CCDC88A: variants seen among roughly 807,000 people sequenced by gnomAD.
CCDC88A encodes coiled-coil and HOOK domain protein 88A.
In CCDC88A, 54 loss-of-function variants were observed where a neutral mutation model predicts 234.3. That is an observed-to-expected ratio of 0.23 (90% CI 0.19 to 0.29). The LOEUF (loss-of-function observed/expected upper bound fraction) is 0.29. Among genes scored for constraint, CCDC88A ranks in the 10% least tolerant of loss-of-function variants. CCDC88A has a pLI of 1.00. For missense variants in CCDC88A, 1,832 were observed against 2,123.4 expected (o/e 0.86, Z 2.70); for synonymous variants, 753 against 737.8 (o/e 1.02, Z -0.33).
chr2:55,341,611 A>AT, intron 12 of CCDC88A, among the ~76,000 whole-genome samples: 1 of 148,060 alleles, frequency 6.8e-6, no homozygotes, highest in African/African-American at 2.5e-5. Context: ...TGCCTGGCTA[A>AT]TTTTTGTATT....
chr2:55,331,651 T>C (rs1411087696), intron 16 of CCDC88A, among the ~76,000 whole-genome samples: 7 of 149,064 alleles, frequency 4.7e-5, no homozygotes, highest in Non-Finnish European at 8.8e-5. Context: ...TGCTAAATAA[T>C]AGACTTGAAA....
Position 55,301,434 on chromosome 2 carries a change from A to G in CCDC88A, c.4673-157T>C, listed in dbSNP as rs72799521. On this transcript the variant is annotated intron_variant, in intron 27 of 32. Transcript: ENST00000436346. ...ACTCAACTAGAAACTGGAACTAGGAATAAGAAAAATGACAACTCTCATTAG... is the reference window on the plus strand; with the variant it reads ...ACTCAACTAGAAACTGGAACTAGGAGTAAGAAAAATGACAACTCTCATTAG... 4.6e-5 allele frequency: 24 copies of G among 520,128 alleles called. No individual in the cohort carries two copies. In the East Asian group the frequency reaches 7.2e-4, roughly 16 times the overall value. 32.2% of individuals were successfully genotyped at this position (520,128 alleles called of 1,614,324 possible).
At chr2:55,371,084 A>G (rs1236465766) in intron 5 of CCDC88A, among the ~76,000 whole-genome samples, 1 of 152,186 alleles carries the variant, frequency 6.6e-6, no homozygotes, top group East Asian at 1.9e-4. Flanking sequence ...AGCAATAACC[A>G]GCAATAAAAA....
At chr2:55,314,400 A>T (rs1016711173) in intron 22 of CCDC88A, 3 of 152,166 alleles carry the variant, frequency 2.0e-5, no homozygotes, top group African/African-American at 7.2e-5. Flanking sequence ...AAGAAAAGAG[A>T]ACAATTTTTT....
In CCDC88A at chr2:55,321,592, A is replaced by G. The variant is rs1364710198; in HGVS notation, c.3162+936T>C. 1.1e-4 allele frequency among the ~76,000 whole-genome samples: 17 copies of G among 152,088 alleles called. 1 individual carries two copies. Among genetic ancestry groups the G allele is most frequent in the Non-Finnish European group, 2.1e-4 (14 of 67,994 alleles). On this transcript the variant is annotated intron_variant, in intron 18 of 32. Transcript: ENST00000436346. ...AAACCTAAATGTCCAGAAATGTGAG[A>G]TTTATTTAAGTAAATTATGGTAACA...
chr2:55,371,688 T>C (rs550568626), intron 5 of CCDC88A, among the ~76,000 whole-genome samples: 7 of 152,320 alleles, frequency 4.6e-5, no homozygotes, highest in African/African-American at 1.7e-4. Context: ...GGTTTCATTA[T>C]GTGCCCAAAC....
intron 2 of CCDC88A, among the ~76,000 whole-genome samples, chr2:55,391,548 T>G (rs980357706): frequency 2.0e-5 from 3 of 152,186 alleles, no homozygotes; most frequent in African/African-American, 7.2e-5. Context: ...ACATGAACGT[T>G]AAGTAGGAAG....
chr2:55,411,362 GTTC>G (rs1435295755), intron 2 of CCDC88A, among the ~76,000 whole-genome samples: 1 of 152,062 alleles, frequency 6.6e-6, no homozygotes, highest in Non-Finnish European at 1.5e-5. Context: ...TAGTTCACCT[GTTC>G]TTCTCTAGGT....
chr2:55,392,788 G>A (rs76410413), intron 2 of CCDC88A, among the ~76,000 whole-genome samples: 6,315 of 152,132 alleles, frequency 0.042, 425 homozygotes, highest in African/African-American at 0.14. Context: ...ATTTACTAAC[G>A]AGCTTACATT....
At chr2:55,346,543 C>T (rs1014618249) in intron 9 of CCDC88A, among the ~76,000 whole-genome samples, 11 of 152,112 alleles carry the variant, frequency 7.2e-5, no homozygotes, top group African/African-American at 2.7e-4. Context: ...CCTCAGCTTC[C>T]CAAGTAGCTG....
At chr2:55,337,623 A>G (rs1667961487) in intron 13 of CCDC88A, 1 of 152,102 alleles carries the variant, frequency 6.6e-6, no homozygotes, top group Non-Finnish European at 1.5e-5. Flanking sequence ...TCTTCCAATA[A>G]TATTTCCAGC....
intron 19 of CCDC88A, among the ~76,000 whole-genome samples, chr2:55,318,481 A>G (rs1269577013): frequency 6.6e-6 from 1 of 152,132 alleles, no homozygotes; most frequent in Non-Finnish European, 1.5e-5. Context: ...CAAAATTCTC[A>G]TGTTGTCCTG....
rs549365381 is a variant in CCDC88A at position 55,339,854 on chromosome 2, C to A, written c.1334-206G>T. ...TCTTTTTTTCTTTTTTTTAAAGAGA[C>A]GGGGTCTCTCTCTGTCACCCAGGCT... On this transcript the variant is annotated intron_variant, in intron 12 of 32. Transcript: ENST00000436346. The A allele has an allele frequency of 6.0e-5, 25 of 419,518 alleles. No individual in the cohort carries two copies. In the East Asian group the frequency reaches 1.1e-3, roughly 18 times the overall value. The allele number at this position is 419,518 out of a possible 1,614,324, so 26.0% of individuals were successfully genotyped here. A position where few individuals can be genotyped will look rare whatever the true frequency, so the allele number is the denominator to read the frequency against.
intron 3 of CCDC88A, among the ~76,000 whole-genome samples, chr2:55,383,889 TA>T (rs1675023765): frequency 6.6e-6 from 1 of 152,162 alleles, no homozygotes; most frequent in African/African-American, 2.4e-5. Context: ...GTAAGTCTAT[TA>T]ACTGTATATA....
intron 2 of CCDC88A, among the ~76,000 whole-genome samples, chr2:55,396,943 G>GT (rs1425910992): frequency 1.3e-5 from 2 of 149,736 alleles, no homozygotes; most frequent in East Asian, 3.9e-4. Context: ...ATATATCACT[G>GT]TTTTACTGTA....
Position 55,328,472 on chromosome 2 carries a change from G to A in CCDC88A, c.2856-37C>T. The A allele has an allele frequency of 7.2e-7, 1 of 1,389,184 alleles. No homozygotes were observed. Among genetic ancestry groups the A allele is most frequent in the Non-Finnish European group, 9.6e-7 (1 of 1,040,218 alleles). 86.1% of individuals were successfully genotyped at this position (1,389,184 alleles called of 1,614,324 possible). A position where few individuals can be genotyped will look rare whatever the true frequency, so the allele number is the denominator to read the frequency against. ...CAAAGTAATGTAGTTCATTATTGGA[G>A]GTCAGAAAATTATTTTTAAAGATAA... On this transcript the variant is annotated intron_variant, in intron 16 of 32. Transcript: ENST00000436346. This position sits in a 1 kb window ranked among gnomAD's most constrained non-coding sequence, Gnocchi z 4.3.
At chr2:55,325,262 A>G (rs1394249941) in intron 17 of CCDC88A, among the ~76,000 whole-genome samples, 1 of 152,234 alleles carries the variant, frequency 6.6e-6, no homozygotes, top group Non-Finnish European at 1.5e-5. Context: ...GTTCTTGCAC[A>G]CATTTCCTTA....
intron 3 of CCDC88A, among the ~76,000 whole-genome samples, chr2:55,384,311 C>T (rs548988152): frequency 4.1e-5 from 5 of 121,630 alleles, no homozygotes; most frequent in African/African-American, 1.5e-4. Context: ...GGTGACAGAG[C>T]AAAACTCCAT....
In CCDC88A at chr2:55,290,552, ACTC is replaced by A. The variant is rs1455977448; in HGVS notation, c.*645_*647del. ...TTAATATCACTATAAATTTTTTATA[ACTC>A]CTATTTCATTATGGATTTTTCAGAT... On this transcript the variant is annotated 3_prime_UTR_variant, in exon 33 of 33. Transcript: ENST00000436346. 2.6e-5 allele frequency: 4 copies of A among 152,004 alleles called. No homozygotes were observed. The highest frequency in any genetic ancestry group is 9.7e-5 in the African/African-American group (4 of 41,412). 9.4% of individuals were successfully genotyped at this position (152,004 alleles called of 1,614,324 possible).
Sources: allele counts gnomAD v4.1 joint callset (sites outside exome capture counted in the v4.1 genomes callset), GRCh38; gene constraint gnomAD v4.1.1; non-coding constraint Gnocchi (gnomAD v3.1); transcripts MANE v1.5; gene names NCBI Gene and HGNC (gene_info 2026-07-23, HGNC 2026-07-21).